The following PTPRM variants were observed in gnomAD, a reference collection of about 807,000 sequenced individuals.
PTPRM encodes protein tyrosine phosphatase receptor type M, also known as receptor-type tyrosine-protein phosphatase mu.
PTPRM carries 47 observed loss-of-function variants against 186.7 expected under a neutral mutation model. The ratio of observed to expected loss-of-function variants is 0.25; its 90% CI spans 0.20 to 0.32. The LOEUF (loss-of-function observed/expected upper bound fraction) is 0.32. Among genes scored for constraint, PTPRM ranks in the 10% least tolerant of loss-of-function variants. The pLI, the probability that PTPRM is intolerant of heterozygous loss-of-function variation, is 1.00. For synonymous variants in PTPRM, 668 were observed against 674.9 expected (o/e 0.99, Z 0.16); for missense variants, 1,494 against 1,865.0 (o/e 0.80, Z 3.66).
At chr18:7,941,928 T>TC (rs2052201245) in intron 5 of PTPRM, among the ~76,000 whole-genome samples, 1 of 152,168 alleles carries the variant, frequency 6.6e-6, no homozygotes, top group Non-Finnish European at 1.5e-5. Flanking sequence ...TCCTCACCCA[T>TC]CACAAGGTTT....
At chr18:8,189,344 G>C (rs2093681894) in intron 14 of PTPRM, among the ~76,000 whole-genome samples, 1 of 151,132 alleles carries the variant, frequency 6.6e-6, no homozygotes, top group Admixed American at 6.6e-5. Context: ...AACATCCCCT[G>C]TTTTTGGAGA....
chr18:7,783,967 A>G (rs2042981000), intron 2 of PTPRM, among the ~76,000 whole-genome samples: 1 of 151,842 alleles, frequency 6.6e-6, no homozygotes. Flanking sequence ...GTGGGCCATC[A>G]CTGTGCTAAC....
intron 9 of PTPRM, among the ~76,000 whole-genome samples, chr18:8,076,865 A>G (rs1362326022): frequency 6.6e-6 from 1 of 152,160 alleles, no homozygotes; most frequent in East Asian, 1.9e-4. Flanking sequence ...ATTTTGAAAC[A>G]TGCATTGATT....
At chr18:7,876,403 T>G (rs2048245906) in intron 2 of PTPRM, among the ~76,000 whole-genome samples, 1 of 152,308 alleles carries the variant, frequency 6.6e-6, no homozygotes, top group Admixed American at 6.5e-5. Flanking sequence ...ATTATAAAAA[T>G]GCTCAAAATA....
intron 7 of PTPRM, among the ~76,000 whole-genome samples, chr18:8,055,497 G>C (rs541601404): frequency 6.6e-6 from 1 of 152,080 alleles, no homozygotes; most frequent in Admixed American, 6.5e-5. Flanking sequence ...TAAAAGTTAC[G>C]TTAGCTGTTT....
intron 19 of PTPRM, among the ~76,000 whole-genome samples, chr18:8,293,508 C>A (rs1160587003): frequency 1.3e-5 from 2 of 150,136 alleles, no homozygotes; most frequent in Non-Finnish European, 3.0e-5. Flanking sequence ...GTCTCAAAGT[C>A]ACTTTTCTTC....
At chr18:7,802,657 CA>C (rs1246584430) in intron 2 of PTPRM, among the ~76,000 whole-genome samples, 2 of 152,160 alleles carry the variant, frequency 1.3e-5, no homozygotes, top group African/African-American at 4.8e-5. Flanking sequence ...TAAATCTGAA[CA>C]AGCGATTATG....
chr18:7,628,301 C>T (rs2038109216), intron 1 of PTPRM, among the ~76,000 whole-genome samples: 1 of 151,836 alleles, frequency 6.6e-6, no homozygotes, highest in Non-Finnish European at 1.5e-5. Context: ...TAAAATAATC[C>T]AGAAACAAAA....
chr18:8,199,859 TG>T (rs1032905110), intron 14 of PTPRM, among the ~76,000 whole-genome samples: 2 of 152,196 alleles, frequency 1.3e-5, no homozygotes, highest in African/African-American at 4.8e-5. Flanking sequence ...CAGGCTTTAT[TG>T]GCGCTGTGTG....
At chr18:7,954,373 G>A (rs886211962) in intron 6 of PTPRM, among the ~76,000 whole-genome samples, 2 of 152,166 alleles carry the variant, frequency 1.3e-5, no homozygotes, top group Non-Finnish European at 2.9e-5. Flanking sequence ...CTGAATGGCA[G>A]CAGTGGTGGA....
At position 7,888,227 on chromosome 18, in the gene PTPRM, G is replaced by A. The variant is rs575461306; in HGVS notation, c.318G>A (p.Lys106=). The change falls in exon 3 of 33, where the codon AAG becomes AAA. Residue 106 remains lysine (K), a synonymous_variant. Transcript: ENST00000580170. ...CIDFHYFVSS[K]SNSPPGLLNV... ...ATTTTCACTATTTTGTGTCCAGCAA[G>A]AGTAATTCTCCTCCGGGGTTACTCA... The A allele has an allele frequency of 1.2e-6, 2 of 1,614,126 alleles. No individual in the cohort carries two copies. Among genetic ancestry groups the A allele is most frequent in the African/African-American group, 1.3e-5 (1 of 75,038 alleles).
In PTPRM at chr18:7,945,987, A is replaced by G. The variant is rs150390119; in HGVS notation, c.664-3194A>G. ...CTCTTGAAGCTGAAGCTGACTTTTC[A>G]TGTGATTAAGTACAGGAGTTAAAAA... On this transcript the variant is annotated intron_variant, in intron 5 of 32. Coordinates refer to ENST00000580170, the MANE Select transcript of PTPRM (RefSeq NM_001105244.2). Among the ~76,000 whole-genome samples, 7 of 152,270 alleles carry G rather than the reference A, an allele frequency of 4.6e-5. No homozygotes were observed. In the East Asian group the frequency reaches 1.2e-3, roughly 25 times the overall value.
intron 1 of PTPRM, among the ~76,000 whole-genome samples, chr18:7,745,212 C>T (rs758148999): frequency 1.1e-4 from 17 of 152,160 alleles, no homozygotes; most frequent in Non-Finnish European, 1.6e-4. Context: ...AATGGCAATA[C>T]GTCTAACCCT....
At chr18:7,820,795 C>A (rs1309084225) in intron 2 of PTPRM, among the ~76,000 whole-genome samples, 1 of 152,184 alleles carries the variant, frequency 6.6e-6, no homozygotes, top group Non-Finnish European at 1.5e-5. Flanking sequence ...GCAGCTGGGC[C>A]CTTTCCATTG....
intron 2 of PTPRM, among the ~76,000 whole-genome samples, chr18:7,776,227 T>C (rs1180363206): frequency 6.6e-6 from 1 of 152,252 alleles, no homozygotes; most frequent in South Asian, 2.1e-4. Flanking sequence ...CTGTGAGTGT[T>C]ACATCTTGTA....
At chr18:7,985,026 C>CATATATAA (rs1486573928) in intron 7 of PTPRM, among the ~76,000 whole-genome samples, 2 of 116,830 alleles carry the variant, frequency 1.7e-5, no homozygotes, top group East Asian at 2.4e-4. Flanking sequence ...ATTATATATA[C>CATATATAA]ATATATAAAT....
intron 7 of PTPRM, among the ~76,000 whole-genome samples, chr18:8,010,353 G>A (rs1169554735): frequency 6.6e-6 from 1 of 152,096 alleles, no homozygotes; most frequent in East Asian, 1.9e-4. Context: ...TCTTTGTCCA[G>A]ATTTTCATCA....
intron 8 of PTPRM, among the ~76,000 whole-genome samples, chr18:8,075,679 A>G (rs1386588264): frequency 6.6e-6 from 1 of 152,110 alleles, no homozygotes; most frequent in African/African-American, 2.4e-5. Context: ...GTTTTGAAAA[A>G]TGGCATCAAA....
At chr18:8,033,428 C>T (rs532415124) in intron 7 of PTPRM, among the ~76,000 whole-genome samples, 188 of 152,264 alleles carry the variant, frequency 1.2e-3, no homozygotes, top group African/African-American at 4.3e-3. Flanking sequence ...TTCACCATTT[C>T]ATGGTTGTGC....
Sources: allele counts gnomAD v4.1 joint callset (sites outside exome capture counted in the v4.1 genomes callset), GRCh38; gene constraint gnomAD v4.1.1; transcripts MANE v1.5; gene names NCBI Gene and HGNC (gene_info 2026-07-23, HGNC 2026-07-21).